RGS6: variants seen among roughly 807,000 people sequenced by gnomAD.
The protein encoded by RGS6 is regulator of G-protein signaling 6.
RGS6 carries 30 observed loss-of-function variants against 78.5 expected under a neutral mutation model. The ratio of observed to expected loss-of-function variants is 0.38; its 90% CI spans 0.29 to 0.52. The LOEUF (loss-of-function observed/expected upper bound fraction) is 0.52. Among genes scored for constraint, RGS6 ranks in the 20% least tolerant of loss-of-function variants. The pLI, the probability that RGS6 is intolerant of heterozygous loss-of-function variation, is 0.85. For missense variants in RGS6, 495 were observed against 609.7 expected (o/e 0.81, Z 1.98); for synonymous variants, 206 against 206.0 (o/e 1.00, Z 0.00).
At chr14:71,893,664 G>A in the RGS6 span, among the ~76,000 whole-genome samples, 1 of 152,122 alleles carries the variant, frequency 6.6e-6, no homozygotes, top group South Asian at 2.1e-4. Flanking sequence ...AGGATTTTGG[G>A]GAAGAGCTGT....
chr14:71,985,250 A>G (rs939729480), intron 2 of RGS6, among the ~76,000 whole-genome samples: 2 of 152,106 alleles, frequency 1.3e-5, no homozygotes, highest in African/African-American at 4.8e-5. Context: ...CAGCCTCCCG[A>G]GTAGCTGGGA....
intron 2 of RGS6, among the ~76,000 whole-genome samples, chr14:72,139,920 GCTTT>G (rs1310214012): frequency 6.6e-6 from 1 of 152,034 alleles, no homozygotes; most frequent in Admixed American, 6.5e-5. Flanking sequence ...AAATGATCAG[GCTTT>G]CTTTTTCCCA....
chr14:72,246,103 A>C (rs1466886078), intron 2 of RGS6, among the ~76,000 whole-genome samples: 1 of 152,198 alleles, frequency 6.6e-6, no homozygotes, highest in Non-Finnish European at 1.5e-5. Flanking sequence ...TCAGTGATGT[A>C]ATATTCCTCC....
chr14:72,193,769 T>A (rs2039322005), intron 2 of RGS6, among the ~76,000 whole-genome samples: 1 of 152,116 alleles, frequency 6.6e-6, no homozygotes, highest in Non-Finnish European at 1.5e-5. Context: ...GAGAAAAGTT[T>A]ATCAGGCAAG....
chr14:72,476,962 C>A (rs2096254633), intron 11 of RGS6, 122 bp downstream of exon 11: 1 of 809,052 alleles, frequency 1.2e-6, no homozygotes, highest in Admixed American at 2.3e-5. Flanking sequence ...TGGAACCCAG[C>A]TGTGGGTGAT....
At chr14:72,114,981 C>T (rs1384713088) in intron 2 of RGS6, among the ~76,000 whole-genome samples, 1 of 152,210 alleles carries the variant, frequency 6.6e-6, no homozygotes, top group African/African-American at 2.4e-5. Context: ...CACAGAGGCA[C>T]TATGTAAGTA....
At chr14:72,398,750 T>G (rs1487030423) in intron 3 of RGS6, among the ~76,000 whole-genome samples, 1 of 152,228 alleles carries the variant, frequency 6.6e-6, no homozygotes, top group African/African-American at 2.4e-5. Flanking sequence ...TGGTATGTTG[T>G]GTTTTTGTTC....
chr14:72,307,264 A>G lies in RGS6; in HGVS notation c.85-44831A>G, dbSNP rs551788393. ...TCAACTACAGTATAAACATAATTTT[A>G]TATGTGCTGGGAAACCAAAAAATTC... On this transcript the variant is annotated intron_variant, in intron 2 of 17. Transcript: ENST00000553525. 1.9e-4 allele frequency among the ~76,000 whole-genome samples: 29 copies of G among 152,084 alleles called. No homozygotes were observed. In the East Asian group the frequency reaches 5.4e-3, roughly 28 times the overall value.
intron 1 of RGS6, among the ~76,000 whole-genome samples, chr14:71,951,781 A>AT (rs1163327297): frequency 6.6e-6 from 1 of 152,122 alleles, no homozygotes. Flanking sequence ...GTCTGTCAGC[A>AT]TTTTTGTATC....
At chr14:72,551,613 T>TAA (rs2097507721) in intron 17 of RGS6, among the ~76,000 whole-genome samples, 1 of 152,318 alleles carries the variant, frequency 6.6e-6, no homozygotes, top group East Asian at 1.9e-4. Context: ...AGAAGTAAGC[T>TAA]AAGTTCGAGA....
intron 5 of RGS6, among the ~76,000 whole-genome samples, chr14:72,458,621 C>T (rs1298041356): frequency 2.0e-5 from 3 of 152,198 alleles, no homozygotes; most frequent in African/African-American, 7.2e-5. Flanking sequence ...GCTGCTACAA[C>T]AAAATACCTA....
chr14:72,465,622 GTGGA>G lies in RGS6; in HGVS notation c.395-100_395-97del, dbSNP rs551039934. On this transcript the variant is annotated intron_variant, in intron 6 of 17. Transcript: ENST00000553525. The stretch of plus-strand genomic sequence containing the variant: ...GATGGTTGGGTGGATGGGTGGATGG[GTGGA>G]TGGATGGATGGATGGATGGATGGAT... The G allele has an allele frequency of 4.3e-3, 1,510 of 354,588 alleles. 11 individuals carry two copies. Among genetic ancestry groups the G allele is most frequent in the East Asian group, 0.013 (243 of 19,396 alleles). 22.0% of individuals were successfully genotyped at this position (354,588 alleles called of 1,614,324 possible).
intron 2 of RGS6, among the ~76,000 whole-genome samples, chr14:72,047,892 ATTTTTGTTTTT>A (rs1441030522): frequency 4.8e-5 from 4 of 83,448 alleles, no homozygotes; most frequent in African/African-American, 1.1e-4. Flanking sequence ...TGCCCAGCTA[ATTTTTGTTTTT>A]TTTTTTTTTT....
the RGS6 span, among the ~76,000 whole-genome samples, chr14:72,575,469 C>G: frequency 2.0e-5 from 3 of 152,080 alleles, no homozygotes; most frequent in African/African-American, 4.8e-5. Context: ...ACCAACGTTC[C>G]TTCAGAAGGA....
the RGS6 span, among the ~76,000 whole-genome samples, chr14:71,872,576 G>C: frequency 6.6e-6 from 1 of 151,956 alleles, no homozygotes; most frequent in Non-Finnish European, 1.5e-5. Flanking sequence ...TGGAAGAGGG[G>C]GTATGTGTAA....
At chr14:72,354,688 T>C (rs2079881744) in intron 3 of RGS6, among the ~76,000 whole-genome samples, 1 of 151,870 alleles carries the variant, frequency 6.6e-6, no homozygotes, top group Non-Finnish European at 1.5e-5. Flanking sequence ...ATAATTCCAT[T>C]TGTGAGGGGC....
intron 2 of RGS6, among the ~76,000 whole-genome samples, chr14:72,152,022 G>A (rs1034668855): frequency 2.0e-5 from 3 of 152,290 alleles, no homozygotes; most frequent in African/African-American, 4.8e-5. Flanking sequence ...TGACTGCTTA[G>A]TTTCCTCCAT....
the RGS6 span, among the ~76,000 whole-genome samples, chr14:72,602,293 C>A: frequency 6.6e-6 from 1 of 152,192 alleles, no homozygotes; most frequent in Non-Finnish European, 1.5e-5. Context: ...GTTGCCATAT[C>A]AGTGATTACA....
the RGS6 span, among the ~76,000 whole-genome samples, chr14:72,585,984 A>G: frequency 6.6e-6 from 1 of 152,210 alleles, no homozygotes; most frequent in African/African-American, 2.4e-5. Flanking sequence ...ATTGGAACAT[A>G]GTACTCTACC....
Sources: gnomAD v4.1 joint callset for allele counts (sites outside exome capture counted in the v4.1 genomes callset) on GRCh38, gnomAD v4.1.1 for gene constraint, MANE v1.5 for transcripts, NCBI Gene and HGNC (gene_info 2026-07-23, HGNC 2026-07-21) for gene names.